Variants in RORA observed in about 807,000 individuals in gnomAD.
The protein encoded by RORA is nuclear receptor ROR-alpha.
In RORA, 7 loss-of-function variants were observed where a neutral mutation model predicts 69.5. The observed-to-expected ratio is 0.10, with a 90% CI of 0.06 to 0.19. The LOEUF is 0.19. RORA is among the 10% of genes least tolerant of loss of function. RORA has a pLI of 1.00. For missense variants in RORA, 457 were observed against 663.0 expected (o/e 0.69, Z 3.41); for synonymous variants, 261 against 240.8 (o/e 1.08, Z -0.78).
intron 1 of RORA, among the ~76,000 whole-genome samples, chr15:61,197,039 G>A (rs570460689): frequency 6.6e-5 from 10 of 152,336 alleles, no homozygotes; most frequent in Admixed American, 1.3e-4. Context: ...TATTGCCCCA[G>A]GGACCACAGG....
chr15:60,608,161 T>C (rs150410951), intron 2 of RORA, among the ~76,000 whole-genome samples: 16 of 152,326 alleles, frequency 1.1e-4, no homozygotes, highest in African/African-American at 3.8e-4. Context: ...GGCTCCTGCA[T>C]AGACGGAGGA....
intron 2 of RORA, among the ~76,000 whole-genome samples, chr15:60,589,449 C>T (rs2068434687): frequency 6.6e-6 from 1 of 152,202 alleles, no homozygotes; most frequent in African/African-American, 2.4e-5. Context: ...TCTACTGAAA[C>T]TGATGAACGT....
intron 2 of RORA, among the ~76,000 whole-genome samples, chr15:60,644,248 G>A (rs1212588474): frequency 2.0e-5 from 3 of 152,176 alleles, no homozygotes; most frequent in Non-Finnish European, 4.4e-5. Context: ...AGGTATGTGA[G>A]TCTTTGACAC....
intron 2 of RORA, among the ~76,000 whole-genome samples, chr15:60,636,828 C>T (rs1002745011): frequency 3.9e-4 from 59 of 152,086 alleles, no homozygotes; most frequent in Admixed American, 3.1e-3. Context: ...ATCTTCACAA[C>T]TAAAATCATT....
At chr15:61,134,432 A>G (rs1408634586) in intron 1 of RORA, among the ~76,000 whole-genome samples, 1 of 152,208 alleles carries the variant, frequency 6.6e-6, no homozygotes, top group Non-Finnish European at 1.5e-5. Flanking sequence ...ACAAGGCCAG[A>G]GGTTCTAACA....
intron 1 of RORA, among the ~76,000 whole-genome samples, chr15:61,047,660 G>T (rs782948): frequency 6.6e-6 from 1 of 152,084 alleles, no homozygotes; most frequent in East Asian, 1.9e-4. Context: ...CTCATTTTGC[G>T]GTATTGTTCC....
chr15:60,741,201 T>C (rs961550724), intron 1 of RORA, among the ~76,000 whole-genome samples: 1 of 152,142 alleles, frequency 6.6e-6, no homozygotes, highest in Non-Finnish European at 1.5e-5. Flanking sequence ...AACCAATGAC[T>C]CAAATTCAAT....
chr15:60,887,964 A>C (rs2073770124), intron 1 of RORA, among the ~76,000 whole-genome samples: 1 of 152,216 alleles, frequency 6.6e-6, no homozygotes, highest in Non-Finnish European at 1.5e-5. Flanking sequence ...CAAAATGAAG[A>C]AAATCTAAAA....
At chr15:61,210,091 G>A (rs533789342) in intron 1 of RORA, among the ~76,000 whole-genome samples, 31 of 152,234 alleles carry the variant, frequency 2.0e-4, no homozygotes, top group Middle Eastern at 3.4e-3. Flanking sequence ...AGATGCTCCC[G>A]GGATGCTGAG....
chr15:60,927,318 A>G (rs898473847), intron 1 of RORA, among the ~76,000 whole-genome samples: 5 of 152,248 alleles, frequency 3.3e-5, no homozygotes, highest in East Asian at 1.9e-4. Flanking sequence ...GATGTGTCCT[A>G]CTGTCATCTG....
intron 1 of RORA, among the ~76,000 whole-genome samples, chr15:60,856,146 C>A (rs2140419511): frequency 6.6e-6 from 1 of 152,254 alleles, no homozygotes; most frequent in South Asian, 2.1e-4. Context: ...TGAAGATCAT[C>A]CCTACCAACT....
chr15:61,228,855 C>G (rs1340881778), intron 1 of RORA, among the ~76,000 whole-genome samples, 198 bp downstream of exon 1: 5 of 151,658 alleles, frequency 3.3e-5, no homozygotes, highest in Non-Finnish European at 7.4e-5. Flanking sequence ...TCCCGCAAGC[C>G]GAGAACGGGC....
chr15:60,929,700 G>A (rs970357007), intron 1 of RORA, among the ~76,000 whole-genome samples: 5 of 152,178 alleles, frequency 3.3e-5, no homozygotes, highest in African/African-American at 1.2e-4. Flanking sequence ...GCCATATCAG[G>A]AGGTTTTCCC....
rs577114533 is a variant in RORA, at chr15:61,148,734, T to C, written c.166+80319A>G. ...TCTAACCAAATGTCCAATATTATTA[T>C]GAAATTCTTATAAATCTACTCAGCA... is the stretch of plus-strand genomic sequence containing the variant. On this transcript the variant is annotated intron_variant, in intron 1 of 10. Coordinates refer to ENST00000335670, the MANE Select transcript of RORA (RefSeq NM_134261.3). Among the ~76,000 whole-genome samples, 5 of 152,326 alleles carry C rather than the reference T, an allele frequency of 3.3e-5. No homozygotes were observed. The East Asian group carries it at 7.7e-4, about 24-fold the overall frequency.
chr15:60,981,915 A>G (rs556661637), intron 1 of RORA, among the ~76,000 whole-genome samples: 2 of 151,796 alleles, frequency 1.3e-5, no homozygotes, highest in South Asian at 4.2e-4. Flanking sequence ...GAAGATTTTG[A>G]ATATCATAAC....
intron 2 of RORA, among the ~76,000 whole-genome samples, chr15:60,568,250 T>TGCCCCTGTGCACCTTG (rs1448050544): frequency 6.6e-6 from 1 of 152,174 alleles, no homozygotes. Flanking sequence ...CACCTTTCTG[T>TGCCCCTGTGCACCTTG]TCTGCCAGAG....
chr15:60,729,178 C>G (rs1292279401), intron 1 of RORA, among the ~76,000 whole-genome samples: 1 of 152,098 alleles, frequency 6.6e-6, no homozygotes, highest in Non-Finnish European at 1.5e-5. Flanking sequence ...CTCTCACATC[C>G]CCCCACCCCA....
chr15:60,613,741 T>TGTGTGTGTGTGTG (rs2069154729), intron 2 of RORA, among the ~76,000 whole-genome samples: 1 of 136,186 alleles, frequency 7.3e-6, no homozygotes, highest in African/African-American at 2.7e-5. Flanking sequence ...TGTGTGTGTG[T>TGTGTGTGTGTGTG]TAGGATTACA....
At position 60,897,156 on chromosome 15, in the gene RORA, G is replaced by C. The variant is rs553817081; in HGVS notation, c.167-218470C>G. ...AAACAGGACTGCAGAGTGGAGGCAAGAGCCATAGAAAAGAGAGAAAGCCCT... is the reference window on the plus strand; with the variant it reads ...AAACAGGACTGCAGAGTGGAGGCAACAGCCATAGAAAAGAGAGAAAGCCCT... On this transcript the variant is annotated intron_variant, in intron 1 of 10. Transcript: ENST00000335670. 6.6e-5 allele frequency among the ~76,000 whole-genome samples: 10 copies of C among 152,240 alleles called. No homozygotes were observed. In the South Asian group the frequency reaches 1.7e-3, roughly 25 times the overall value.
Sources: gnomAD v4.1 joint callset for allele counts (sites outside exome capture counted in the v4.1 genomes callset) on GRCh38, gnomAD v4.1.1 for gene constraint, MANE v1.5 for transcripts, NCBI Gene and HGNC (gene_info 2026-07-23, HGNC 2026-07-21) for gene names.